The following USO1 variants were observed in gnomAD, a reference collection of about 807,000 sequenced individuals.
The protein encoded by USO1 is USO1 vesicle transport factor.
A neutral mutation model predicts 124.5 loss-of-function variants in USO1; 57 were observed. The ratio of observed to expected loss-of-function variants is 0.46; its 90% CI spans 0.37 to 0.57. The LOEUF is 0.57. Among genes scored for constraint, USO1 ranks in the 20% least tolerant of loss-of-function variants. The probability of loss-of-function intolerance (pLI) is 0.00; values close to 1 mark genes in which losing one functional copy is unlikely to be tolerated. For missense variants in USO1, 900 were observed against 1,040.6 expected, an observed-to-expected ratio of 0.86 and a Z score of 1.86; for synonymous variants, 369 against 362.8, an observed-to-expected ratio of 1.02 and a Z score of -0.19.
At chr4:75,788,643 A>T (rs374390637) in intron 10 of USO1, among the ~76,000 whole-genome samples, 2 of 146,894 alleles carry the variant, frequency 1.4e-5, no homozygotes, top group East Asian at 2.0e-4. Context: ...CCTGGGTTTG[A>T]GCAATTCTTC....
chr4:75,786,341 G>C (rs1405502049), intron 9 of USO1, among the ~76,000 whole-genome samples: 2 of 151,858 alleles, frequency 1.3e-5, no homozygotes, highest in African/African-American at 4.8e-5. Context: ...TTGTTAACAA[G>C]GTATTATCAT....
rs1282642822 is a variant in USO1 at position 75,806,499 on chromosome 4, C to T, written c.2303C>T (p.Thr768Ile). Residue 768 changes from threonine (T) to isoleucine (I), a missense_variant, in exon 20 of 24, where the codon ACA becomes ATA. Physicochemically the swap from Thr to Ile is moderately conservative, Grantham distance 89. Transcript: ENST00000514213. The stretch of plus-strand genomic sequence containing the variant: ...TGCTATTTGCAGAAATCTTCCCAAA[C>T]ATCTGGCACAAATGAACAGTCTTCA... ...SMIENMKSSQTSGTNEQSSAI... is the reference protein window; with the variant it reads ...SMIENMKSSQISGTNEQSSAI... The T allele has an allele frequency of 1.3e-6, 2 of 1,558,936 alleles. No individual in the cohort carries two copies. The highest frequency in any genetic ancestry group is 1.7e-6 in the Non-Finnish European group (2 of 1,150,464).
intron 7 of USO1, among the ~76,000 whole-genome samples, chr4:75,771,403 G>C (rs1278393672): frequency 6.6e-6 from 1 of 152,184 alleles, no homozygotes; most frequent in Non-Finnish European, 1.5e-5. Flanking sequence ...CGTGGCTGGA[G>C]TAATGACCTT....
At chr4:75,783,680 C>CA in intron 9 of USO1, among the ~76,000 whole-genome samples, 1 of 152,146 alleles carries the variant, frequency 6.6e-6, no homozygotes. Flanking sequence ...TGTCCCATGC[C>CA]ATGGGAGTTG....
At chr4:75,793,995 C>A in intron 13 of USO1, 94 bp downstream of exon 13, 1 of 1,519,822 alleles carries the variant, frequency 6.6e-7, no homozygotes, top group South Asian at 1.3e-5. Flanking sequence ...TGAAAAAGGA[C>A]AGAGAAGACT....
intron 10 of USO1, among the ~76,000 whole-genome samples, chr4:75,788,735 G>A (rs1219279534): frequency 1.3e-5 from 2 of 151,560 alleles, no homozygotes; most frequent in African/African-American, 4.8e-5. Context: ...GTAGAGACGG[G>A]GTTCCACCAC....
chr4:75,759,245 C>CTTTTTTTTTTTTTTTTT (rs1560443228), intron 4 of USO1, among the ~76,000 whole-genome samples: 1 of 11,552 alleles, frequency 8.7e-5, no homozygotes, highest in Admixed American at 8.1e-4. Flanking sequence ...TTATTAAGGA[C>CTTTTTTTTTTTTTTTTT]CTTTTTTTTT....
intron 4 of USO1, chr4:75,760,698 TAAAA>T (rs889948155): frequency 8.4e-6 from 3 of 358,640 alleles, no homozygotes; most frequent in African/African-American, 2.1e-5. Context: ...TTCTGGCTGG[TAAAA>T]AAAAAATCTG....
At chr4:75,769,890 A>G (rs1721872521) in intron 4 of USO1, among the ~76,000 whole-genome samples, 2 of 152,126 alleles carry the variant, frequency 1.3e-5, no homozygotes, top group Non-Finnish European at 2.9e-5. Context: ...ATTTTGTAGG[A>G]TATGTATATG....
chr4:75,730,530 T>C (rs1222701645), intron 1 of USO1, among the ~76,000 whole-genome samples: 3 of 152,110 alleles, frequency 2.0e-5, no homozygotes, highest in South Asian at 4.1e-4. Flanking sequence ...CAAGAGGATA[T>C]ATAATTCTGA....
intron 10 of USO1, among the ~76,000 whole-genome samples, chr4:75,789,184 A>G (rs1292761680): frequency 1.3e-5 from 2 of 152,110 alleles, no homozygotes; most frequent in Non-Finnish European, 2.9e-5. Flanking sequence ...AGTTATTATC[A>G]TCATTCACTG....
At chr4:75,744,182 C>T (rs1428771208) in intron 1 of USO1, among the ~76,000 whole-genome samples, 1 of 151,992 alleles carries the variant, frequency 6.6e-6, no homozygotes, top group African/African-American at 2.4e-5. Context: ...TATTATAAAC[C>T]ACTGCTTCAG....
At chr4:75,733,935 ATTTTTTTTT>A (rs869308522) in intron 1 of USO1, among the ~76,000 whole-genome samples, 24 of 77,078 alleles carry the variant, frequency 3.1e-4, no homozygotes, top group African/African-American at 7.0e-4. Flanking sequence ...TTCTTCGAGG[ATTTTTTTTT>A]TTTTTTTTTT....
rs950385350 is a variant in USO1, at chr4:75,770,509, A to G, written c.366A>G (p.Glu122=). The G allele has an allele frequency of 1.3e-6, 2 of 1,594,564 alleles. No homozygotes were observed. Among genetic ancestry groups the G allele is most frequent in the African/African-American group, 2.7e-5 (2 of 74,716 alleles). ...CAGAAATTTTCATTAAGCAGCAGGA[A>G]AATGTCACTCTTCTGTTATCTTTAT... ...QFTEIFIKQQ[E]NVTLLLSLLE... is the part of the protein sequence containing the mutation. Residue 122 remains glutamate (E), a synonymous_variant, in exon 5 of 24, where the codon GAA becomes GAG. Coordinates refer to ENST00000514213, the MANE Select transcript of USO1 (RefSeq NM_003715.4).
At chr4:75,737,930 C>T (rs1252328588) in intron 1 of USO1, among the ~76,000 whole-genome samples, 4 of 151,716 alleles carry the variant, frequency 2.6e-5, no homozygotes, top group African/African-American at 9.7e-5. Context: ...CAGGTTCAAG[C>T]GATTCTCCTG....
chr4:75,789,475 A>G (rs1722467217), intron 10 of USO1, among the ~76,000 whole-genome samples: 1 of 152,116 alleles, frequency 6.6e-6, no homozygotes, highest in African/African-American at 2.4e-5. Context: ...GGGTTTCACC[A>G]TGTTGGTCAG....
intron 1 of USO1, among the ~76,000 whole-genome samples, chr4:75,732,191 A>G (rs954958116): frequency 6.6e-6 from 1 of 150,864 alleles, no homozygotes; most frequent in Admixed American, 6.6e-5. Context: ...CCCAGTGTTG[A>G]CTGCTCCCAT....
chr4:75,746,954 AAAG>A (rs1335972664), intron 1 of USO1, among the ~76,000 whole-genome samples: 1 of 152,234 alleles, frequency 6.6e-6, no homozygotes, highest in Non-Finnish European at 1.5e-5. Context: ...AGAAAAATAC[AAAG>A]AAGTCATAAG....
chr4:75,782,853 C>G lies in USO1; in HGVS notation c.850C>G (p.Leu284Val). The change falls in exon 9 of 24, where the codon CTA becomes GTA. Residue 284 changes from leucine to valine, a missense_variant. Around this residue, in one of 2 missense-constraint regions of USO1, gnomAD observed 538 missense variants for 681.6 expected, o/e 0.79. Coordinates refer to ENST00000514213, the MANE Select transcript of USO1 (RefSeq NM_003715.4). ...AQKVTNLHLM[L>V]QLVRVLVSPT... ...GAAAGTGACCAATCTACATCTAATG[C>G]TACAGGTATACTATCCTTAGACATA... The G allele has an allele frequency of 6.3e-7, 1 of 1,588,130 alleles. No homozygotes were observed.
Sources: allele counts gnomAD v4.1 joint callset (sites outside exome capture counted in the v4.1 genomes callset), GRCh38; gene constraint gnomAD v4.1.1; regional missense constraint gnomAD v4.1.1; transcripts MANE v1.5; gene names NCBI Gene and HGNC (gene_info 2026-07-23, HGNC 2026-07-21).